The following SYT12 variants were observed in gnomAD, a reference collection of about 807,000 sequenced individuals.
SYT12 encodes the protein synaptotagmin 12, also known as synaptotagmin-12.
Under a neutral mutation model 39.5 loss-of-function variants are expected in SYT12, and 27 were observed. The ratio of observed to expected loss-of-function variants is 0.68; its 90% CI spans 0.50 to 0.94. SYT12 has a LOEUF of 0.94. SYT12 is among the 40% of genes least tolerant of loss of function. SYT12 has a pLI of 0.00. For missense variants in SYT12, 536 were observed against 572.6 expected (o/e 0.94, Z 0.65); for synonymous variants, 233 against 239.7 (o/e 0.97, Z 0.26).
intron 2 of SYT12, among the ~76,000 whole-genome samples, chr11:67,010,550 C>T (rs980633817): frequency 3.9e-5 from 6 of 152,244 alleles, no homozygotes; most frequent in African/African-American, 1.4e-4. Flanking sequence ...CTTGCCAGGC[C>T]TGTTCCAGCT....
At chr11:67,037,724 T>C (rs2136222094) in intron 3 of SYT12, among the ~76,000 whole-genome samples, 1 of 151,240 alleles carries the variant, frequency 6.6e-6, no homozygotes, top group Non-Finnish European at 1.5e-5. Context: ...CTACTAAAAA[T>C]ACAAAAAATT....
rs1423041610 is a variant in SYT12, at chr11:67,035,605, C to T, written c.228+767C>T. On this transcript the variant is annotated intron_variant, in intron 3 of 7. Coordinates refer to ENST00000527043, the MANE Select transcript of SYT12 (RefSeq NM_177963.4). ...CCTGAGTAGCTGGGACTACAGGCAC[C>T]CGCCACCATGCCCAGCTAATTTTTT... Among the ~76,000 whole-genome samples, 24 of 149,114 alleles carry T rather than the reference C, an allele frequency of 1.6e-4. No homozygotes were observed. The South Asian group carries it at 4.4e-3, about 28-fold the overall frequency.
Position 67,035,430 on chromosome 11 carries a change from T to TTTTTC in SYT12, c.228+597_228+601dup, listed in dbSNP as rs1392374800. On this transcript the variant is annotated intron_variant, in intron 3 of 7. Transcript: ENST00000527043. ...ATATATTTTTCTTCTTACTTTCTTT[T>TTTTTC]TTTTCTTTTTCTTTTTCTTTTTCTT... is the stretch of plus-strand genomic sequence containing the variant. 4.6e-4 allele frequency among the ~76,000 whole-genome samples: 68 copies of TTTTTC among 149,446 alleles called. 1 individual carries two copies. In the East Asian group the frequency reaches 0.013, roughly 28 times the overall value.
chr11:67,016,139 G>A (rs1383731062), intron 3 of SYT12, among the ~76,000 whole-genome samples: 3 of 152,078 alleles, frequency 2.0e-5, no homozygotes, highest in African/African-American at 7.2e-5. Context: ...AAATTAGCCG[G>A]GAGTGGTGGC....
At chr11:67,024,799 G>A (rs1950159360) in intron 1 of SYT12, among the ~76,000 whole-genome samples, 1 of 152,220 alleles carries the variant, frequency 6.6e-6, no homozygotes, top group Admixed American at 6.5e-5. Context: ...ACAGGTTGAA[G>A]GATGAGGCTC....
intron 3 of SYT12, among the ~76,000 whole-genome samples, chr11:67,035,790 T>TTTCCTTCC (rs1172307451): frequency 0.012 from 868 of 73,198 alleles, 75 homozygotes; most frequent in African/African-American, 0.031. Context: ...TTTTCTTTTC[T>TTTCCTTCC]TTCCTTCCTT....
At chr11:67,039,325 C>T (rs1950451899) in intron 3 of SYT12, among the ~76,000 whole-genome samples, 1 of 139,904 alleles carries the variant, frequency 7.1e-6, no homozygotes, top group Non-Finnish European at 1.5e-5. Flanking sequence ...TTCATATACC[C>T]CTAGGCTGGG....
rs556700685 is a variant in SYT12, at chr11:67,038,247, A to G, written c.229-1564A>G. Among the ~76,000 whole-genome samples the G allele has an allele frequency of 6.6e-5, 10 of 151,658 alleles. No individual in the cohort carries two copies. The East Asian group carries it at 1.6e-3, about 24-fold the overall frequency. On this transcript the variant is annotated intron_variant, in intron 3 of 7. Transcript: ENST00000527043. Reference sequence around the variant, plus strand: ...AGCGGCGCAATCTCAGCTCACTGCAACCTCCGCCTCCTGGATTCAAGCAGT... The same window carrying G: ...AGCGGCGCAATCTCAGCTCACTGCAGCCTCCGCCTCCTGGATTCAAGCAGT...
chr11:67,038,818 C>A (rs1950438286), intron 3 of SYT12, among the ~76,000 whole-genome samples: 1 of 150,922 alleles, frequency 6.6e-6, no homozygotes, highest in South Asian at 2.1e-4. Flanking sequence ...GAAACCCTGT[C>A]TCTACTAAAA....
upstream of SYT12, among the ~76,000 whole-genome samples, chr11:67,019,110 G>A (rs1950083471): frequency 6.9e-6 from 1 of 145,254 alleles, no homozygotes; most frequent in South Asian, 2.3e-4. Flanking sequence ...GGCAGAAGGC[G>A]AAAAGCACAT....
intron 3 of SYT12, among the ~76,000 whole-genome samples, chr11:67,039,218 G>T (rs1202423098): frequency 6.7e-6 from 1 of 149,956 alleles, no homozygotes; most frequent in Non-Finnish European, 1.5e-5. Context: ...CAGGAGAATT[G>T]CTTGAACCTG....
At chr11:67,034,938 C>T in intron 3 of SYT12, 100 bp downstream of exon 3, 3 of 909,898 alleles carry the variant, frequency 3.3e-6, no homozygotes, top group Middle Eastern at 4.5e-4. Context: ...TCACCACCTC[C>T]TCCTGGTTAA....
In SYT12 at chr11:67,039,945, C is replaced by T. The variant is rs1323308209; in HGVS notation, c.363C>T (p.Asp121=). 1 of 1,613,766 alleles carries T rather than the reference C, an allele frequency of 6.2e-7. No individual in the cohort carries two copies. Among genetic ancestry groups the T allele is most frequent in the Non-Finnish European group, 8.5e-7 (1 of 1,180,038 alleles). ...GPLELMGREL[D]LAPYGTLRKS... is the part of the protein sequence containing the mutation. Reference sequence around the variant, plus strand: ...TGGAGCTGATGGGCCGGGAGTTGGACCTGGCCCCCTATGGGACCCTCCGGA... The same window carrying T: ...TGGAGCTGATGGGCCGGGAGTTGGATCTGGCCCCCTATGGGACCCTCCGGA... The change falls in exon 4 of 8, where the codon GAC becomes GAT. Residue 121 remains aspartate (D), a synonymous_variant. Transcript: ENST00000527043.
At chr11:67,041,493 A>C (rs909470509) in intron 4 of SYT12, among the ~76,000 whole-genome samples, 4 of 152,174 alleles carry the variant, frequency 2.6e-5, no homozygotes, top group East Asian at 1.9e-4. Flanking sequence ...TAAATAAATA[A>C]ATTTTAAAAA....
intron 7 of SYT12, 116 bp downstream of exon 7, chr11:67,045,993 A>G: frequency 7.3e-7 from 1 of 1,377,646 alleles, no homozygotes. Flanking sequence ...GCCTCCAGCC[A>G]TCACTTTCTA....
intron 4 of SYT12, among the ~76,000 whole-genome samples, chr11:67,041,894 G>A (rs759297091): frequency 6.6e-5 from 10 of 152,310 alleles, no homozygotes; most frequent in Middle Eastern, 3.4e-3. Flanking sequence ...AGAATAAAGC[G>A]TGAGGGGCAG....
chr11:67,047,051 G>A (rs564057004), intron 7 of SYT12, among the ~76,000 whole-genome samples: 4 of 150,914 alleles, frequency 2.7e-5, no homozygotes, highest in South Asian at 4.2e-4. Flanking sequence ...TGCAACCTCC[G>A]CCTCCTGGGT....
At chr11:67,008,911 T>C (rs1311579446) in intron 1 of SYT12, among the ~76,000 whole-genome samples, 1 of 152,096 alleles carries the variant, frequency 6.6e-6, no homozygotes, top group Non-Finnish European at 1.5e-5. Context: ...TAAAGGAACC[T>C]TGGTGATAGA....
At chr11:67,012,107 A>G (rs966874213) in intron 3 of SYT12, among the ~76,000 whole-genome samples, 6 of 148,850 alleles carry the variant, frequency 4.0e-5, no homozygotes, top group African/African-American at 1.5e-4. Context: ...ATGGTGGCTC[A>G]CACCTGTAAG....
Sources: allele counts gnomAD v4.1 joint callset (sites outside exome capture counted in the v4.1 genomes callset), GRCh38; gene constraint gnomAD v4.1.1; transcripts MANE v1.5; gene names NCBI Gene and HGNC (gene_info 2026-07-23, HGNC 2026-07-21).